Variants in SAMHD1 observed in about 807,000 individuals in gnomAD.
SAMHD1 encodes the protein deoxynucleoside triphosphate triphosphohydrolase SAMHD1.
A neutral mutation model predicts 79.6 loss-of-function variants in SAMHD1; 54 were observed. That is an observed-to-expected ratio of 0.68 (90% CI 0.55 to 0.85). The LOEUF (loss-of-function observed/expected upper bound fraction) is 0.85, where lower values mean the gene tolerates loss of function less well. SAMHD1 is among the 40% of genes least tolerant of loss of function. SAMHD1 has a pLI of 0.00. For missense variants in SAMHD1, 663 were observed against 782.7 expected, an observed-to-expected ratio of 0.85 and a Z score of 1.82; for synonymous variants, 260 against 264.1, an observed-to-expected ratio of 0.98 and a Z score of 0.15.
At chr20:36,903,975 TA>T in intron 13 of SAMHD1, 181 bp downstream of exon 13, 1 of 574,722 alleles carries the variant, frequency 1.7e-6, no homozygotes, top group Non-Finnish European at 3.1e-6. Flanking sequence ...ATATTAAAAA[TA>T]ATGGCAAAAC....
chr20:36,932,695 G>A (rs1051098519), intron 4 of SAMHD1, among the ~76,000 whole-genome samples: 1 of 151,628 alleles, frequency 6.6e-6, no homozygotes, highest in African/African-American at 2.4e-5. Flanking sequence ...GGGATTCCAG[G>A]TGTGAGCCAC....
intron 9 of SAMHD1, among the ~76,000 whole-genome samples, 199 bp from the exon 10 acceptor site, chr20:36,912,751 ATTTTTTTTTTTTTT>A (rs66970329): frequency 9.3e-6 from 1 of 107,038 alleles, no homozygotes; most frequent in Middle Eastern, 6.5e-3. Flanking sequence ...TGCAACTTTC[ATTTTTTTTTTTTTT>A]TTTTTTTTTT....
At chr20:36,922,834 A>G (rs916190300) in intron 6 of SAMHD1, among the ~76,000 whole-genome samples, 2 of 151,726 alleles carry the variant, frequency 1.3e-5, no homozygotes, top group South Asian at 2.1e-4. Context: ...TTTTTTGTAG[A>G]GACGGGGTTT....
intron 1 of SAMHD1, among the ~76,000 whole-genome samples, chr20:36,947,634 T>A (rs1381760664): frequency 6.6e-6 from 1 of 151,808 alleles, no homozygotes; most frequent in Non-Finnish European, 1.5e-5. Context: ...TTAATTCTAA[T>A]CTTTCCTGAC....
Position 36,892,647 on chromosome 20 carries a change from A to G in SAMHD1, c.*285T>C. The stretch of plus-strand genomic sequence containing the variant: ...GTCTCTTAAAAAAGAAAAAAAATAG[A>G]GTTCAGAATAGATAAAAGAGTTGTT... On this transcript the variant is annotated 3_prime_UTR_variant, in exon 16 of 16. Coordinates refer to ENST00000646673, the MANE Select transcript of SAMHD1 (RefSeq NM_015474.4). The G allele has an allele frequency of 2.4e-6, 1 of 423,586 alleles. No homozygotes were observed. The highest frequency in any genetic ancestry group is 4.3e-6 in the Non-Finnish European group (1 of 231,450). The allele number at this position is 423,586 out of a possible 1,614,324, so 26.2% of individuals were successfully genotyped here.
At chr20:36,902,800 T>C (rs1478408803) in intron 13 of SAMHD1, among the ~76,000 whole-genome samples, 1 of 151,720 alleles carries the variant, frequency 6.6e-6, no homozygotes, top group Non-Finnish European at 1.5e-5. Context: ...TGCAGTGGTG[T>C]GATCTCGGCT....
chr20:36,911,571 C>G (rs529903902), intron 10 of SAMHD1: 2 of 473,126 alleles, frequency 4.2e-6, no homozygotes, highest in South Asian at 2.2e-5. Context: ...TTCCTCCCAA[C>G]AATAAGGTAG....
Position 36,947,405 on chromosome 20 carries a change from G to GGTGTGTGT in SAMHD1, c.209-609_209-602dup, listed in dbSNP as rs771698070. The stretch of plus-strand genomic sequence containing the variant: ...GAAGAGGTGTGTGTGATTTGGAAGA[G>GGTGTGTGT]GTGTGTGTGTGTGTGTGTGTGTGTG... On this transcript the variant is annotated intron_variant, in intron 1 of 15. Coordinates refer to ENST00000646673, the MANE Select transcript of SAMHD1 (RefSeq NM_015474.4). Among the ~76,000 whole-genome samples the GGTGTGTGT allele has an allele frequency of 8.2e-3, 238 of 29,114 alleles. 61 individuals are homozygous for GGTGTGTGT. The highest frequency in any genetic ancestry group is 0.055 in the African/African-American group (229 of 4,142). The allele number at this position is 29,114 out of a possible 152,430, so 19.1% of individuals were successfully genotyped here.
At position 36,912,891 on chromosome 20, in the gene SAMHD1, T is replaced by TTTTTG. The variant is rs1360031330; in HGVS notation, c.1063-340_1063-339insCAAAA. ...TACCCAGCTAACTTTCATTCTTTGT[T>TTTTTG]TTTTTTTTTTTTTTTTTTTTTTTTG... is the stretch of plus-strand genomic sequence containing the variant. On this transcript the variant is annotated intron_variant, in intron 9 of 15. Transcript: ENST00000646673. 9.9e-4 allele frequency among the ~76,000 whole-genome samples: 124 copies of TTTTTG among 125,262 alleles called. 8 individuals are homozygous for TTTTTG. The highest frequency in any genetic ancestry group is 4.2e-3 in the African/African-American group (121 of 29,012). The allele number at this position is 125,262 out of a possible 152,430, so 82.2% of individuals were successfully genotyped here. A position where few individuals can be genotyped will look rare whatever the true frequency, so the allele number is the denominator to read the frequency against.
In SAMHD1 at chr20:36,917,048, C is replaced by A; in HGVS notation, c.854G>T (p.Trp285Leu). Reference protein sequence around the residue: ...PLESPVEDSLWPYKGRPENKS... With the variant: ...PLESPVEDSLLPYKGRPENKS... The stretch of plus-strand genomic sequence containing the variant: ...GTTTTCAGGACGCCCTTTATATGGC[C>A]ACTGGAAGGCAAGAAAACCCACTGG... Residue 285 changes from tryptophan (W) to leucine (L), a missense_variant and splice_region_variant, in exon 8 of 16, where the codon TGG becomes TTG. By Grantham distance (61) the Trp-to-Leu change is moderately conservative. Coordinates refer to ENST00000646673, the MANE Select transcript of SAMHD1 (RefSeq NM_015474.4). 6.2e-7 allele frequency: 1 copy of A among 1,605,922 alleles called. No individual in the cohort carries two copies. The highest frequency in any genetic ancestry group is 8.5e-7 in the Non-Finnish European group (1 of 1,172,778).
chr20:36,951,092 C>T (rs1440985737), intron 1 of SAMHD1, among the ~76,000 whole-genome samples: 2 of 152,248 alleles, frequency 1.3e-5, no homozygotes, highest in Non-Finnish European at 2.9e-5. Flanking sequence ...AGTGAGATCC[C>T]AATCTACGAC....
At position 36,890,410 on chromosome 20, in the gene SAMHD1, C is replaced by CTTTCTT. The variant is rs1568754706; in HGVS notation, c.*2516_*2521dup. 1 of 149,820 alleles carries CTTTCTT rather than the reference C, an allele frequency of 6.7e-6. No homozygotes were observed. The highest frequency in any genetic ancestry group is 2.5e-5 in the African/African-American group (1 of 40,660). 9.3% of individuals were successfully genotyped at this position (149,820 alleles called of 1,614,324 possible). On this transcript the variant is annotated 3_prime_UTR_variant, in exon 16 of 16. Coordinates refer to ENST00000646673, the MANE Select transcript of SAMHD1 (RefSeq NM_015474.4). ...GATATTTCTTTCTCTTTCTTTCTTT[C>CTTTCTT]TTTCTTTCTTTTCTTTCTCTCTTTC...
chr20:36,945,610 G>C (rs1391111026), intron 2 of SAMHD1, among the ~76,000 whole-genome samples: 1 of 152,230 alleles, frequency 6.6e-6, no homozygotes, highest in Non-Finnish European at 1.5e-5. Context: ...GCCACACACG[G>C]TGGCTTATGC....
chr20:36,912,492 G>A lies in SAMHD1; in HGVS notation c.1123C>T (p.Gln375Ter), dbSNP rs2148365710. 1 of 1,612,996 alleles carries A rather than the reference G, an allele frequency of 6.2e-7. No homozygotes were observed. The highest frequency in any genetic ancestry group is 8.5e-7 in the Non-Finnish European group (1 of 1,179,070). The part of the protein sequence containing the change: ...TRNSLHRRAY[Q>*]HKVGNIIDTM... ...TCAATAATGTTGCCAACTTTGTGTT[G>A]ATAAGCTCTACGGTGTAAAGAGTTG... The change falls in exon 10 of 16, where the codon CAA becomes TAA. Residue 375 changes from glutamine to a stop codon, truncating the protein, a stop_gained. Coordinates refer to ENST00000646673, the MANE Select transcript of SAMHD1 (RefSeq NM_015474.4). LOFTEE classifies it high-confidence loss of function.
At chr20:36,921,116 C>T (rs1284462952) in intron 6 of SAMHD1, among the ~76,000 whole-genome samples, 3 of 151,830 alleles carry the variant, frequency 2.0e-5, no homozygotes, top group African/African-American at 2.4e-5. Context: ...ACAAATTGGC[C>T]GGGCACAGTA....
intron 13 of SAMHD1, among the ~76,000 whole-genome samples, chr20:36,901,057 G>GA (rs566610995): frequency 6.6e-6 from 1 of 151,710 alleles, no homozygotes; most frequent in Non-Finnish European, 1.5e-5. Context: ...AAACATAAAG[G>GA]AAAAAAAAGA....
At chr20:36,951,029 C>T (rs529367621) in intron 1 of SAMHD1, among the ~76,000 whole-genome samples, 13 of 152,322 alleles carry the variant, frequency 8.5e-5, no homozygotes, top group African/African-American at 2.4e-4. Flanking sequence ...AAAAGGGACC[C>T]GAGTCTCGCT....
chr20:36,911,512 A>G, intron 10 of SAMHD1, 179 bp from the exon 11 acceptor site: 1 of 604,434 alleles, frequency 1.7e-6, no homozygotes, highest in Non-Finnish European at 3.0e-6. Flanking sequence ...TGCCATGCTT[A>G]CTGTGTTCCA....
intron 6 of SAMHD1, among the ~76,000 whole-genome samples, chr20:36,926,723 T>G (rs2063538563): frequency 6.6e-6 from 1 of 152,126 alleles, no homozygotes; most frequent in South Asian, 2.1e-4. Flanking sequence ...GATTCCAAAA[T>G]ATGGGACAGC....
Sources: gnomAD v4.1 joint callset for allele counts (sites outside exome capture counted in the v4.1 genomes callset) on GRCh38, gnomAD v4.1.1 for gene constraint, MANE v1.5 for transcripts, NCBI Gene and HGNC (gene_info 2026-07-23, HGNC 2026-07-21) for gene names.